GALM: variants seen among roughly 807,000 people sequenced by gnomAD.
GALM encodes galactose mutarotase.
A neutral mutation model predicts 37.4 loss-of-function variants in GALM; 43 were observed. The ratio of observed to expected loss-of-function variants is 1.15; its 90% CI spans 0.90 to 1.48. The LOEUF (loss-of-function observed/expected upper bound fraction) is 1.48. Among genes scored for constraint, GALM ranks in the 40% most tolerant of loss-of-function variants. The pLI is 0.00. For synonymous variants in GALM, 199 were observed against 170.6 expected, an observed-to-expected ratio of 1.17 and a Z score of -1.30; for missense variants, 456 against 419.1, an observed-to-expected ratio of 1.09 and a Z score of -0.77.
intron 4 of GALM, among the ~76,000 whole-genome samples, chr2:38,725,013 T>C (rs1003273041): frequency 7.9e-5 from 12 of 152,164 alleles, no homozygotes; most frequent in Non-Finnish European, 2.9e-5. Context: ...TAGTTATACT[T>C]TAAGGGAGAT....
chr2:38,667,811 T>C (rs747336526), intron 1 of GALM, among the ~76,000 whole-genome samples: 2 of 152,166 alleles, frequency 1.3e-5, no homozygotes, highest in Non-Finnish European at 2.9e-5. Flanking sequence ...CACTCCAGCC[T>C]GGGCGACAGA....
chr2:38,677,007 T>C (rs572618589), intron 2 of GALM, among the ~76,000 whole-genome samples: 4 of 152,280 alleles, frequency 2.6e-5, no homozygotes, highest in Admixed American at 2.6e-4. Flanking sequence ...TCATATCAGA[T>C]TCTCCCCAGT....
At chr2:38,698,837 G>A (rs1290542597) in intron 4 of GALM, among the ~76,000 whole-genome samples, 1 of 152,174 alleles carries the variant, frequency 6.6e-6, no homozygotes, top group African/African-American at 2.4e-5. Context: ...TTGAACTCCT[G>A]AGCTCTCAAG....
chr2:38,711,413 G>A (rs556278688), intron 4 of GALM, among the ~76,000 whole-genome samples: 2 of 151,756 alleles, frequency 1.3e-5, no homozygotes, highest in African/African-American at 2.4e-5. Context: ...CGCCCACCTC[G>A]GCTTCCCAAA....
At chr2:38,667,920 G>A (rs1252977114) in intron 1 of GALM, among the ~76,000 whole-genome samples, 4 of 152,194 alleles carry the variant, frequency 2.6e-5, no homozygotes, top group Non-Finnish European at 5.9e-5. Context: ...CCTCATTCCA[G>A]AGGGGTCCTG....
chr2:38,717,600 G>T (rs183367708), intron 4 of GALM, among the ~76,000 whole-genome samples: 2 of 151,814 alleles, frequency 1.3e-5, no homozygotes, highest in African/African-American at 2.4e-5. Context: ...GGGTTTTGCC[G>T]TGTTGGCCAG....
At chr2:38,671,400 G>A (rs566811358) in intron 1 of GALM, 1 of 152,352 alleles carries the variant, frequency 6.6e-6, no homozygotes, top group African/African-American at 2.4e-5. Context: ...AATCATGGCA[G>A]GAGGCGAGGA....
At chr2:38,680,009 TTTTA>T (rs1665356215) in intron 2 of GALM, 3 of 453,994 alleles carry the variant, frequency 6.6e-6, no homozygotes, top group African/African-American at 4.0e-5. Flanking sequence ...GCAAAATGCC[TTTTA>T]TTTATTTATT....
At chr2:38,711,371 C>T (rs1209193440) in intron 4 of GALM, among the ~76,000 whole-genome samples, 3 of 151,844 alleles carry the variant, frequency 2.0e-5, no homozygotes, top group East Asian at 1.9e-4. Context: ...ACGTTGGTCA[C>T]GCTGGTCTCG....
chr2:38,711,830 C>T (rs368181310), intron 4 of GALM, among the ~76,000 whole-genome samples: 1 of 125,282 alleles, frequency 8.0e-6, no homozygotes, highest in African/African-American at 2.6e-5. Flanking sequence ...ACTATCACCA[C>T]CATCATCACC....
intron 4 of GALM, among the ~76,000 whole-genome samples, chr2:38,706,511 C>G (rs986397439): frequency 1.5e-5 from 1 of 68,542 alleles, no homozygotes; most frequent in African/African-American, 5.3e-5. Flanking sequence ...CCCATCTCTA[C>G]AAAAAAAAAA....
intron 4 of GALM, among the ~76,000 whole-genome samples, chr2:38,701,650 A>T (rs1665921519): frequency 6.6e-6 from 1 of 152,190 alleles, no homozygotes; most frequent in Non-Finnish European, 1.5e-5. Context: ...GAGGCCCAGC[A>T]AGACTTTTGT....
chr2:38,718,635 A>AAT (rs769408852), intron 4 of GALM, among the ~76,000 whole-genome samples: 2 of 151,562 alleles, frequency 1.3e-5, no homozygotes, highest in Non-Finnish European at 2.9e-5. Context: ...TTTAATTGTT[A>AAT]TTATAAACAG....
At chr2:38,721,043 G>C (rs1326775374) in intron 4 of GALM, among the ~76,000 whole-genome samples, 1 of 152,238 alleles carries the variant, frequency 6.6e-6, no homozygotes. Flanking sequence ...AGGAGAGCAT[G>C]TGGATGGGAT....
At chr2:38,717,306 AGTGTGTGTGTGTGTGT>A (rs56902027) in intron 4 of GALM, among the ~76,000 whole-genome samples, 8 of 143,748 alleles carry the variant, frequency 5.6e-5, no homozygotes, top group East Asian at 4.2e-4. Flanking sequence ...GTATTAAGGG[AGTGTGTGTGTGTGTGT>A]GTGTGTGTGT....
In GALM at chr2:38,694,029, T is replaced by G. The variant is rs1007057642; in HGVS notation, c.634+4135T>G. Among the ~76,000 whole-genome samples, 4 of 152,122 alleles carry G rather than the reference T, an allele frequency of 2.6e-5. No individual in the cohort carries two copies. In the East Asian group the frequency reaches 5.8e-4, roughly 22 times the overall value. On this transcript the variant is annotated intron_variant, in intron 4 of 6. Transcript: ENST00000272252. The stretch of plus-strand genomic sequence containing the variant: ...ACCCTGTTAATACAAAACATTTTTT[T>G]GAATTAGCCAGGAGTGTTGGTGCAT...
chr2:38,726,228 TTA>T (rs769710503), intron 4 of GALM, among the ~76,000 whole-genome samples: 130 of 22,306 alleles, frequency 5.8e-3, no homozygotes, highest in South Asian at 0.028. Flanking sequence ...TTTTTTTTTT[TTA>T]TTTTTTTTTT....
intron 4 of GALM, among the ~76,000 whole-genome samples, chr2:38,690,464 T>A (rs1572521774): frequency 6.6e-6 from 1 of 151,988 alleles, no homozygotes; most frequent in African/African-American, 2.4e-5. Flanking sequence ...GGGGATAGGG[T>A]CTCATTCTGT....
chr2:38,673,599 A>G (rs2148424986), intron 1 of GALM, among the ~76,000 whole-genome samples: 1 of 152,266 alleles, frequency 6.6e-6, no homozygotes, highest in African/African-American at 2.4e-5. Context: ...TTACAAGGTC[A>G]GGAGATCGAG....
Sources: allele counts gnomAD v4.1 joint callset (sites outside exome capture counted in the v4.1 genomes callset), GRCh38; gene constraint gnomAD v4.1.1; transcripts MANE v1.5; gene names NCBI Gene and HGNC (gene_info 2026-07-23, HGNC 2026-07-21).